Variants in ARB2A observed in about 807,000 individuals in gnomAD.
ARB2A encodes the protein cotranscriptional regulator ARB2A.
chr5:93,831,299 TAA>T, the ARB2A span, among the ~76,000 whole-genome samples: 4 of 136,492 alleles, frequency 2.9e-5, no homozygotes, highest in Admixed American at 7.4e-5. Context: ...ACTCCGCTGC[TAA>T]AAAAAAAAAA....
chr5:93,674,251 C>A, the ARB2A span, among the ~76,000 whole-genome samples: 1 of 152,320 alleles, frequency 6.6e-6, no homozygotes, highest in East Asian at 1.9e-4. Flanking sequence ...AGCTCAGTCG[C>A]CTCCAGTGTA....
chr5:93,914,726 G>A, the ARB2A span, among the ~76,000 whole-genome samples: 1 of 151,602 alleles, frequency 6.6e-6, no homozygotes, highest in African/African-American at 2.4e-5. Flanking sequence ...ACCTAATCTA[G>A]ATCTGTATAA....
At chr5:93,785,404 TG>T in the ARB2A span, among the ~76,000 whole-genome samples, 1 of 151,644 alleles carries the variant, frequency 6.6e-6, no homozygotes, top group African/African-American at 2.4e-5. Flanking sequence ...ATTCTTTTAT[TG>T]AAAAAAAGAA....
chr5:93,718,034 C>T, the ARB2A span, among the ~76,000 whole-genome samples: 1 of 151,742 alleles, frequency 6.6e-6, no homozygotes, highest in East Asian at 2.0e-4. Flanking sequence ...GGGGTTTCAC[C>T]ATGTTGGTCA....
the ARB2A span, among the ~76,000 whole-genome samples, chr5:93,756,040 T>A: frequency 2.0e-5 from 3 of 152,106 alleles, no homozygotes; most frequent in African/African-American, 7.2e-5. Flanking sequence ...GTGGGGGGCA[T>A]GGTGGGAGTG....
chr5:93,650,431 C>T, the ARB2A span, among the ~76,000 whole-genome samples: 3 of 151,942 alleles, frequency 2.0e-5, no homozygotes, highest in Non-Finnish European at 4.4e-5. Context: ...CCTCAACGAA[C>T]TTGAAAAATG....
the ARB2A span, among the ~76,000 whole-genome samples, chr5:93,800,405 ACACACACACACACACACACG>A: frequency 6.6e-6 from 1 of 151,638 alleles, no homozygotes; most frequent in African/African-American, 2.4e-5. Flanking sequence ...ACACACACAC[ACACACACACACACACACACG>A]CACACAAAGA....
chr5:94,027,247 C>G, the ARB2A span, among the ~76,000 whole-genome samples: 2 of 152,192 alleles, frequency 1.3e-5, no homozygotes, highest in Non-Finnish European at 2.9e-5. Flanking sequence ...CCATGGTATA[C>G]AACTCCTAAA....
the ARB2A span, among the ~76,000 whole-genome samples, chr5:93,627,028 A>G: frequency 6.6e-6 from 1 of 152,216 alleles, no homozygotes; most frequent in Non-Finnish European, 1.5e-5. Context: ...CATTTCAACA[A>G]TGTTTACAGC....
the ARB2A span, chr5:93,776,045 T>TA: frequency 1.2e-6 from 1 of 832,164 alleles, no homozygotes; most frequent in African/African-American, 1.7e-5. Context: ...ATAATTCATC[T>TA]AACAACTCAA....
chr5:93,868,997 A>G, the ARB2A span, among the ~76,000 whole-genome samples: 1 of 152,210 alleles, frequency 6.6e-6, no homozygotes, highest in African/African-American at 2.4e-5. Flanking sequence ...AATACTCACT[A>G]TCGCAACCTG....
chr5:93,839,838 A>G, the ARB2A span, among the ~76,000 whole-genome samples: 2 of 151,948 alleles, frequency 1.3e-5, no homozygotes, highest in Non-Finnish European at 2.9e-5. Context: ...AGTCTCTGAC[A>G]GTGTTTTGTA....
At chr5:93,851,441 T>C in the ARB2A span, among the ~76,000 whole-genome samples, 1 of 152,148 alleles carries the variant, frequency 6.6e-6, no homozygotes, top group East Asian at 1.9e-4. Context: ...TAACATTGCA[T>C]GTATTTTTAC....
the ARB2A span, among the ~76,000 whole-genome samples, chr5:93,995,738 T>C: frequency 1.4e-4 from 22 of 152,298 alleles, 1 homozygote; most frequent in African/African-American, 5.3e-4. Context: ...TACAACATTG[T>C]GCCTATCGTT....
the ARB2A span, among the ~76,000 whole-genome samples, chr5:93,749,746 A>G: frequency 1.3e-5 from 2 of 152,162 alleles, no homozygotes; most frequent in South Asian, 2.1e-4. Context: ...GACAAGTAAC[A>G]TATACTTGTT....
chr5:93,803,931 T>C, the ARB2A span, among the ~76,000 whole-genome samples: 9 of 151,916 alleles, frequency 5.9e-5, 1 homozygote, highest in South Asian at 1.9e-3. Flanking sequence ...GCTAGGTTTG[T>C]ACACAGCCGG....
chr5:93,795,765 T>C, the ARB2A span, among the ~76,000 whole-genome samples: 1 of 151,120 alleles, frequency 6.6e-6, no homozygotes, highest in Admixed American at 6.6e-5. Context: ...GACACCATAT[T>C]AACCCACTAA....
chr5:93,856,372 A>C, the ARB2A span, among the ~76,000 whole-genome samples: 1 of 152,122 alleles, frequency 6.6e-6, no homozygotes, highest in East Asian at 1.9e-4. Context: ...TATCCTGCAG[A>C]GTGTTTTCCA....
the ARB2A span, among the ~76,000 whole-genome samples, chr5:93,880,788 C>T: frequency 4.6e-5 from 7 of 151,852 alleles, no homozygotes; most frequent in Non-Finnish European, 7.4e-5. Flanking sequence ...CTCTAATGAT[C>T]CCATACCGTT....
Sources: gnomAD v4.1 joint callset for allele counts (sites outside exome capture counted in the v4.1 genomes callset) on GRCh38, gnomAD v4.1.1 for gene constraint, MANE v1.5 for transcripts, NCBI Gene and HGNC (gene_info 2026-07-23, HGNC 2026-07-21) for gene names.